BRWD3: variants seen among roughly 807,000 people sequenced by gnomAD.
The protein encoded by BRWD3 is bromodomain and WD repeat domain containing 3.
A neutral mutation model predicts 149.7 loss-of-function variants in BRWD3; 10 were observed. That is an observed-to-expected ratio of 0.07 (90% confidence interval 0.04 to 0.11). BRWD3 has a LOEUF of 0.11. Among genes scored for constraint, BRWD3 ranks in the 10% least tolerant of loss-of-function variants. BRWD3 has a pLI of 1.00. For missense variants in BRWD3, 940 were observed against 1,373.2 expected (o/e 0.68, Z 4.99); for synonymous variants, 504 against 456.7 (o/e 1.10, Z -1.32).
At chrX:80,799,410 C>G (rs572074248) in intron 4 of BRWD3, among the ~76,000 whole-genome samples, 2 of 112,096 alleles carry the variant, frequency 1.8e-5, no homozygotes, top group South Asian at 7.3e-4. Context: ...CTCTAAAAAA[C>G]AAATATAGCA....
Position 80,744,024 on chromosome X carries a change from T to C in BRWD3, c.813+8A>G. ...TATGTTCAAGCTAAATTTTATCACTTTTCTTACCTGTATGGAAGTAATAGA... is the reference window on the plus strand; with the variant it reads ...TATGTTCAAGCTAAATTTTATCACTCTTCTTACCTGTATGGAAGTAATAGA... On this transcript the variant is annotated splice_region_variant and intron_variant, in intron 8 of 40. Coordinates refer to ENST00000373275, the MANE Select transcript of BRWD3 (RefSeq NM_153252.5). 8.3e-7 allele frequency: 1 copy of C among 1,199,667 alleles called. No homozygotes were observed. Among genetic ancestry groups the C allele is most frequent in the Non-Finnish European group, 1.1e-6 (1 of 885,073 alleles).
intron 6 of BRWD3, among the ~76,000 whole-genome samples, chrX:80,788,067 G>A (rs1016624270): frequency 1.9e-5 from 2 of 107,252 alleles, no homozygotes; most frequent in Non-Finnish European, 3.8e-5. Flanking sequence ...CTGGGTGACA[G>A]AGCGAGACTC....
intron 20 of BRWD3, among the ~76,000 whole-genome samples, chrX:80,713,661 TGCGAGA>T (rs1276641449): frequency 9.2e-6 from 1 of 108,929 alleles, no homozygotes; most frequent in Non-Finnish European, 1.9e-5. Context: ...AATCCCCCTC[TGCGAGA>T]GACACCCAAG....
Position 80,809,488 on chromosome X carries a change from T to C in BRWD3, c.-17A>G. 8.7e-7 allele frequency: 1 copy of C among 1,145,680 alleles called. No individual in the cohort carries two copies. Among genetic ancestry groups the C allele is most frequent in the South Asian group, 2.0e-5 (1 of 51,212 alleles). The allele number at this position is 1,145,680 out of a possible 1,213,427, so 94.4% of individuals were successfully genotyped here. A position where few individuals can be genotyped will look rare whatever the true frequency, so the allele number is the denominator to read the frequency against. ...TGCCGCCATCCTTTTCCCGAGGGGG[T>C]TTGGGGGCTTCGCTCCGGAGGGGCT... On this transcript the variant is annotated 5_prime_UTR_variant, in exon 1 of 41. Coordinates refer to ENST00000373275, the MANE Select transcript of BRWD3 (RefSeq NM_153252.5).
At chrX:80,757,333 T>C (rs749895824) in intron 6 of BRWD3, among the ~76,000 whole-genome samples, 1 of 111,972 alleles carries the variant, frequency 8.9e-6, no homozygotes, top group Admixed American at 9.5e-5. Flanking sequence ...AGGAAAACAA[T>C]GTGTGCTTCT....
At chrX:80,690,145 T>A in intron 31 of BRWD3, 53 bp from the exon 32 acceptor site, 2 of 1,135,571 alleles carry the variant, frequency 1.8e-6, no homozygotes, top group Middle Eastern at 4.8e-4. Context: ...TAAAGTATAT[T>A]TTAGGAATAT....
At chrX:80,800,692 T>A (rs1430281558) in intron 4 of BRWD3, among the ~76,000 whole-genome samples, 2 of 109,628 alleles carry the variant, frequency 1.8e-5, no homozygotes, top group Non-Finnish European at 3.8e-5. Flanking sequence ...ATAACCTAAA[T>A]CAAATGCTGT....
At chrX:80,748,624 G>GC (rs1201162128) in intron 6 of BRWD3, among the ~76,000 whole-genome samples, 1 of 110,018 alleles carries the variant, frequency 9.1e-6, no homozygotes, top group Non-Finnish European at 1.9e-5. Context: ...CTTTTCTTTT[G>GC]TTTTTTTTCC....
chrX:80,692,482 A>C (rs2072625289), intron 28 of BRWD3, among the ~76,000 whole-genome samples: 1 of 112,216 alleles, frequency 8.9e-6, no homozygotes, highest in Non-Finnish European at 1.9e-5. Context: ...GAATAATTAA[A>C]GTAGATGTTG....
At chrX:80,680,267 T>C (rs894649961) in intron 40 of BRWD3, among the ~76,000 whole-genome samples, 2 of 112,233 alleles carry the variant, frequency 1.8e-5, no homozygotes, top group African/African-American at 3.2e-5. Flanking sequence ...AGAAGAAAGT[T>C]TGAGTAACAA....
At chrX:80,678,481 G>T (rs1400868829) in intron 40 of BRWD3, among the ~76,000 whole-genome samples, 3 of 111,580 alleles carry the variant, frequency 2.7e-5, no homozygotes, top group Non-Finnish European at 5.7e-5. Context: ...TTAAAAAAAA[G>T]AAATAAAGAG....
At chrX:80,685,058 A>C (rs1345537205) in intron 36 of BRWD3, among the ~76,000 whole-genome samples, 1 of 111,979 alleles carries the variant, frequency 8.9e-6, no homozygotes, top group African/African-American at 3.2e-5. Flanking sequence ...ATAAAAAAAC[A>C]GAAGTATATT....
chrX:80,807,772 T>C (rs1461801996), intron 4 of BRWD3, among the ~76,000 whole-genome samples: 1 of 111,916 alleles, frequency 8.9e-6, no homozygotes, highest in African/African-American at 3.2e-5. Flanking sequence ...AATATGTCCA[T>C]TGTTGTCTCC....
intron 18 of BRWD3, among the ~76,000 whole-genome samples, chrX:80,718,812 GACT>G (rs969092713): frequency 9.0e-5 from 10 of 111,142 alleles, no homozygotes; most frequent in Non-Finnish European, 1.7e-4. Context: ...CTCATAAGAT[GACT>G]ACATTTGAAA....
At chrX:80,773,832 A>G (rs1040027793) in intron 6 of BRWD3, among the ~76,000 whole-genome samples, 6 of 112,149 alleles carry the variant, frequency 5.4e-5, no homozygotes, top group Middle Eastern at 4.6e-3. Flanking sequence ...TGCAATGCCC[A>G]TTACACTTTG....
At chrX:80,756,764 G>T (rs946568532) in intron 6 of BRWD3, among the ~76,000 whole-genome samples, 1 of 111,026 alleles carries the variant, frequency 9.0e-6, no homozygotes. Flanking sequence ...ACACTTCCTT[G>T]GGGGGAGGAG....
intron 28 of BRWD3, among the ~76,000 whole-genome samples, chrX:80,692,648 T>C (rs2072627830): frequency 8.9e-6 from 1 of 112,228 alleles, no homozygotes; most frequent in African/African-American, 3.2e-5. Context: ...TAAAAAATAG[T>C]TGCAATTCTT....
chrX:80,713,637 C>T (rs1361272338), intron 20 of BRWD3, among the ~76,000 whole-genome samples: 1 of 109,824 alleles, frequency 9.1e-6, no homozygotes, highest in Admixed American at 9.6e-5. Flanking sequence ...CACTATTGTC[C>T]TATGACCCTG....
intron 40 of BRWD3, among the ~76,000 whole-genome samples, chrX:80,680,506 C>A (rs1442175199): frequency 8.9e-6 from 1 of 111,803 alleles, no homozygotes; most frequent in East Asian, 2.8e-4. Flanking sequence ...ATGGGCAGGG[C>A]ACAGTCTGAA....
Sources: allele counts gnomAD v4.1 joint callset (sites outside exome capture counted in the v4.1 genomes callset), GRCh38; gene constraint gnomAD v4.1.1; transcripts MANE v1.5; gene names NCBI Gene and HGNC (gene_info 2026-07-23, HGNC 2026-07-21).